Variants in DLGAP1 observed in about 807,000 individuals in gnomAD.
The protein encoded by DLGAP1 is DLG associated protein 1.
A neutral mutation model predicts 90.8 loss-of-function variants in DLGAP1; 11 were observed. The observed-to-expected ratio is 0.12, with a 90% CI of 0.08 to 0.20. The LOEUF (loss-of-function observed/expected upper bound fraction) is 0.20, where lower values mean the gene tolerates loss of function less well. Among genes scored for constraint, DLGAP1 ranks in the 10% least tolerant of loss-of-function variants. DLGAP1 has a pLI of 1.00. For missense variants in DLGAP1, 1,050 were observed against 1,333.8 expected, an observed-to-expected ratio of 0.79 and a Z score of 3.31; for synonymous variants, 558 against 540.7, an observed-to-expected ratio of 1.03 and a Z score of -0.44.
chr18:4,052,543 T>C (rs112905235), intron 2 of DLGAP1, among the ~76,000 whole-genome samples: 16,356 of 152,080 alleles, frequency 0.11, 933 homozygotes, highest in Middle Eastern at 0.22. Flanking sequence ...CAAAACCATT[T>C]TTCTCTCCTA....
At chr18:4,183,955 G>A (rs1341937578) in intron 1 of DLGAP1, among the ~76,000 whole-genome samples, 1 of 152,096 alleles carries the variant, frequency 6.6e-6, no homozygotes, top group Non-Finnish European at 1.5e-5. Flanking sequence ...GAGAGTGATG[G>A]TACAGAATGT....
At chr18:3,812,004 C>T (rs937158106) in intron 5 of DLGAP1, among the ~76,000 whole-genome samples, 1 of 152,156 alleles carries the variant, frequency 6.6e-6, no homozygotes, top group African/African-American at 2.4e-5. Context: ...TCACCCAAGA[C>T]CCAAAGTGTC....
intron 9 of DLGAP1, among the ~76,000 whole-genome samples, chr18:3,536,931 A>G (rs1288264129): frequency 6.6e-6 from 1 of 152,192 alleles, no homozygotes; most frequent in Non-Finnish European, 1.5e-5. Context: ...CATTTAAGAC[A>G]TACAAAAAGA....
At chr18:3,702,937 G>A (rs961149211) in intron 7 of DLGAP1, among the ~76,000 whole-genome samples, 2 of 152,188 alleles carry the variant, frequency 1.3e-5, no homozygotes, top group African/African-American at 4.8e-5. Context: ...ATAAGATGGA[G>A]ACTTTGTCTT....
At chr18:3,918,517 A>G (rs1313036103) in intron 3 of DLGAP1, among the ~76,000 whole-genome samples, 2 of 150,640 alleles carry the variant, frequency 1.3e-5, no homozygotes, top group Admixed American at 6.6e-5. Flanking sequence ...TCAAAGGGGG[A>G]AAAAAATGCC....
intron 7 of DLGAP1, chr18:3,593,655 C>G (rs1007923021): frequency 6.6e-6 from 1 of 152,098 alleles, no homozygotes; most frequent in Non-Finnish European, 1.5e-5. Context: ...TCATAAGACA[C>G]GCCAGTTGGT....
chr18:4,251,267 A>C (rs2078773644), intron 1 of DLGAP1, among the ~76,000 whole-genome samples: 1 of 152,218 alleles, frequency 6.6e-6, no homozygotes, highest in African/African-American at 2.4e-5. Context: ...CTCTTAAGAA[A>C]GTTTTCCAGA....
rs2064998348 is a variant in DLGAP1, at chr18:3,777,644, A to G, written c.1173-35132T>C. ...TGATCATCTCCTCTTGAAAAAACAAAAGAGATGTAAATGTCATTCCAAGGG... is the reference window on the plus strand; with the variant it reads ...TGATCATCTCCTCTTGAAAAAACAAGAGAGATGTAAATGTCATTCCAAGGG... On this transcript the variant is annotated intron_variant, in intron 5 of 12. Transcript: ENST00000315677. 2.6e-5 allele frequency among the ~76,000 whole-genome samples: 4 copies of G among 152,190 alleles called. No individual in the cohort carries two copies. In the South Asian group the frequency reaches 8.3e-4, roughly 32 times the overall value.
intron 10 of DLGAP1, among the ~76,000 whole-genome samples, chr18:3,527,172 T>C (rs2051682989): frequency 6.6e-6 from 1 of 152,230 alleles, no homozygotes; most frequent in African/African-American, 2.4e-5. Flanking sequence ...TGCCTTTTGT[T>C]ACCCACATTT....
chr18:3,927,817 T>G (rs919119316), intron 3 of DLGAP1, among the ~76,000 whole-genome samples: 1 of 152,084 alleles, frequency 6.6e-6, no homozygotes, highest in Non-Finnish European at 1.5e-5. Context: ...AGCATGAATT[T>G]TTTCCCAATA....
chr18:4,310,592 G>A (rs2080375301), intron 1 of DLGAP1, among the ~76,000 whole-genome samples: 1 of 152,144 alleles, frequency 6.6e-6, no homozygotes, highest in African/African-American at 2.4e-5. Context: ...CTTTATCATA[G>A]TGTACAGGTT....
intron 1 of DLGAP1, among the ~76,000 whole-genome samples, chr18:4,424,167 A>C (rs914276672): frequency 1.3e-5 from 2 of 152,058 alleles, no homozygotes; most frequent in Non-Finnish European, 2.9e-5. Context: ...AAATTTTTTT[A>C]ACAATTCCTG....
intron 8 of DLGAP1, among the ~76,000 whole-genome samples, chr18:3,568,891 T>C (rs1206927888): frequency 1.3e-5 from 2 of 151,784 alleles, no homozygotes; most frequent in African/African-American, 2.4e-5. Flanking sequence ...TTTCACTGTG[T>C]TAGCCAGGAT....
At chr18:3,919,982 G>A (rs2072230397) in intron 3 of DLGAP1, among the ~76,000 whole-genome samples, 1 of 152,208 alleles carries the variant, frequency 6.6e-6, no homozygotes, top group Non-Finnish European at 1.5e-5. Context: ...TCTGCAGGAT[G>A]TTATAGACCT....
chr18:3,658,218 A>T (rs544585553), intron 7 of DLGAP1, among the ~76,000 whole-genome samples: 51 of 152,298 alleles, frequency 3.3e-4, no homozygotes, highest in African/African-American at 1.2e-3. Context: ...AAGAGCATGG[A>T]TAGAAACATG....
intron 7 of DLGAP1, among the ~76,000 whole-genome samples, chr18:3,675,080 G>GTT (rs571819290): frequency 6.6e-6 from 1 of 151,560 alleles, no homozygotes. Flanking sequence ...GGGTTAGCTG[G>GTT]TTTTTTTTTG....
At chr18:4,033,267 C>G (rs769474005) in intron 2 of DLGAP1, among the ~76,000 whole-genome samples, 6 of 151,802 alleles carry the variant, frequency 4.0e-5, no homozygotes, top group Non-Finnish European at 5.9e-5. Flanking sequence ...CCCGCCAGTT[C>G]CTACTCAGAG....
intron 2 of DLGAP1, among the ~76,000 whole-genome samples, chr18:4,137,047 C>T (rs2076415210): frequency 6.6e-6 from 1 of 152,082 alleles, no homozygotes; most frequent in South Asian, 2.1e-4. Flanking sequence ...CTATCCCTCC[C>T]CCCTTCCCCC....
intron 4 of DLGAP1, among the ~76,000 whole-genome samples, chr18:3,871,804 T>C (rs1335259343): frequency 2.0e-5 from 3 of 152,232 alleles, no homozygotes; most frequent in Non-Finnish European, 4.4e-5. Flanking sequence ...AAAAACAGCA[T>C]GTGTATAAAT....
Sources: gnomAD v4.1 joint callset for allele counts (sites outside exome capture counted in the v4.1 genomes callset) on GRCh38, gnomAD v4.1.1 for gene constraint, MANE v1.5 for transcripts, NCBI Gene and HGNC (gene_info 2026-07-23, HGNC 2026-07-21) for gene names.